CAPS2: variants seen among roughly 807,000 people sequenced by gnomAD.
CAPS2 encodes calcyphosine 2.
Under a neutral mutation model 86.5 loss-of-function variants are expected in CAPS2, and 98 were observed. That is an observed-to-expected ratio of 1.13 (90% CI 0.96 to 1.34). The LOEUF is 1.34. Ranked by LOEUF, CAPS2 falls within the 40% of genes most tolerant of loss-of-function variation. The pLI, the probability that CAPS2 is intolerant of heterozygous loss-of-function variation, is 0.00. For synonymous variants in CAPS2, 210 were observed against 225.1 expected (o/e 0.93, Z 0.60); for missense variants, 729 against 686.8 (o/e 1.06, Z -0.69).
At chr12:75,367,058 A>G (rs1431948024) in intron 1 of CAPS2, 1 of 699,638 alleles carries the variant, frequency 1.4e-6, no homozygotes, top group Admixed American at 2.0e-5. Flanking sequence ...TAAGTTTCTC[A>G]CAAAAATGCA....
upstream of CAPS2, among the ~76,000 whole-genome samples, chr12:75,331,372 G>A (rs2041289705): frequency 6.6e-6 from 1 of 152,114 alleles, no homozygotes; most frequent in Non-Finnish European, 1.5e-5. Flanking sequence ...ATTTCCTGGT[G>A]CAAATTTGGG....
At chr12:75,277,353 C>T (rs1489975793) in exon 17 of CAPS2, 26 of 972,550 alleles carry the variant, frequency 2.7e-5, no homozygotes, top group Non-Finnish European at 3.2e-5. Flanking sequence ...ATATTGAGCA[C>T]CCCCAGTATT....
At chr12:75,281,311 T>C (rs2033902539) in intron 16 of CAPS2, among the ~76,000 whole-genome samples, 1 of 151,892 alleles carries the variant, frequency 6.6e-6, no homozygotes, top group African/African-American at 2.4e-5. Flanking sequence ...GAGTCACAAA[T>C]AAGCACATTT....
At chr12:75,362,441 A>G (rs1286726939) in intron 1 of CAPS2, among the ~76,000 whole-genome samples, 1 of 152,164 alleles carries the variant, frequency 6.6e-6, no homozygotes, top group Non-Finnish European at 1.5e-5. Flanking sequence ...TGCTTTCAAC[A>G]TTCATAGCAA....
intron 7 of CAPS2, chr12:75,305,950 G>A (rs2038427825): frequency 1.7e-6 from 2 of 1,172,004 alleles, no homozygotes; most frequent in African/African-American, 1.5e-5. Flanking sequence ...GGAGCCCGAG[G>A]AGCATGGACA....
chr12:75,292,641 T>G (rs1179610516), intron 12 of CAPS2, among the ~76,000 whole-genome samples: 1 of 147,020 alleles, frequency 6.8e-6, no homozygotes, highest in Non-Finnish European at 1.5e-5. Context: ...TATGTATAGA[T>G]CTATACATAA....
chr12:75,364,411 G>A lies in CAPS2; in HGVS notation c.-395+26427C>T, dbSNP rs138065100. ...ATGGCCAGTAAACATTTACTTTATC[G>A]CATAGTGTTGTCAGGGTGGCATGGC... On this transcript the variant is annotated intron_variant, in intron 1 of 5. Coordinates refer to the CAPS2 transcript ENST00000551829. 2.0e-3 allele frequency among the ~76,000 whole-genome samples: 301 copies of A among 152,300 alleles called. 1 individual carries two copies. The highest frequency in any genetic ancestry group is 6.9e-3 in the African/African-American group (286 of 41,574).
At chr12:75,306,534 G>A (rs1323005130) in intron 7 of CAPS2, among the ~76,000 whole-genome samples, 1 of 152,218 alleles carries the variant, frequency 6.6e-6, no homozygotes, top group Non-Finnish European at 1.5e-5. Context: ...ACTGTGTAGT[G>A]TTTAGGACAT....
At chr12:75,302,659 T>C (rs963877759) in intron 8 of CAPS2, among the ~76,000 whole-genome samples, 1 of 152,198 alleles carries the variant, frequency 6.6e-6, no homozygotes, top group Admixed American at 6.5e-5. Flanking sequence ...TGAAAAAGGA[T>C]TCATTTCTAA....
chr12:75,358,688 TTC>T (rs1229492206), intron 1 of CAPS2, among the ~76,000 whole-genome samples: 1 of 147,356 alleles, frequency 6.8e-6, no homozygotes, highest in East Asian at 2.0e-4. Context: ...ATATTTGTGT[TTC>T]TTTTTGTTTT....
chr12:75,316,153 C>G, intron 6 of CAPS2, 159 bp downstream of exon 6: 1 of 935,828 alleles, frequency 1.1e-6, no homozygotes, highest in African/African-American at 1.7e-5. Context: ...AAATACAATT[C>G]AATCATTTAT....
chr12:75,342,220 C>T (rs2042169402), intron 1 of CAPS2, among the ~76,000 whole-genome samples: 1 of 152,068 alleles, frequency 6.6e-6, no homozygotes, highest in Non-Finnish European at 1.5e-5. Flanking sequence ...GTGATTACTT[C>T]AATTTATACA....
At position 75,323,279 on chromosome 12, in the gene CAPS2, C is replaced by A. The variant is rs1301992211; in HGVS notation, c.132-57G>T. 3.8e-6 allele frequency: 5 copies of A among 1,330,660 alleles called. No homozygotes were observed. The East Asian group carries it at 1.3e-4, about 34-fold the overall frequency. 82.4% of individuals were successfully genotyped at this position (1,330,660 alleles called of 1,614,324 possible). On this transcript the variant is annotated intron_variant, in intron 2 of 16. Coordinates refer to ENST00000393284, the Ensembl canonical transcript of CAPS2. ...TTTTAACATGAAACTTTAATAAATG[C>A]AAATCTTATATGTTACATGTTTTAT...
chr12:75,389,036 T>TGA (rs2045438548), intron 1 of CAPS2, among the ~76,000 whole-genome samples: 1 of 152,240 alleles, frequency 6.6e-6, no homozygotes, highest in Admixed American at 6.5e-5. Flanking sequence ...TACCACTCCC[T>TGA]GGCTGGGTGG....
chr12:75,304,460 C>G (rs1053248730), intron 8 of CAPS2, among the ~76,000 whole-genome samples: 1 of 152,032 alleles, frequency 6.6e-6, no homozygotes, highest in Non-Finnish European at 1.5e-5. Context: ...ATATAGCACA[C>G]GTAAAATTTC....
chr12:75,376,414 C>T (rs547570289), intron 1 of CAPS2, among the ~76,000 whole-genome samples: 56 of 152,274 alleles, frequency 3.7e-4, no homozygotes, highest in African/African-American at 1.3e-3. Flanking sequence ...TCATGGGTCA[C>T]ACCCTGAACC....
chr12:75,346,427 G>A (rs2042452547), intron 1 of CAPS2, among the ~76,000 whole-genome samples: 1 of 150,964 alleles, frequency 6.6e-6, no homozygotes, highest in Non-Finnish European at 1.5e-5. Flanking sequence ...GTCTCGCCCT[G>A]TAACCCAGAC....
At chr12:75,318,495 T>G (rs2138941069) in intron 5 of CAPS2, among the ~76,000 whole-genome samples, 1 of 152,182 alleles carries the variant, frequency 6.6e-6, no homozygotes, top group Middle Eastern at 3.4e-3. Context: ...CCAACCTCCT[T>G]CCTTCTCTCC....
At chr12:75,363,976 G>A (rs2043794629) in intron 1 of CAPS2, among the ~76,000 whole-genome samples, 1 of 152,186 alleles carries the variant, frequency 6.6e-6, no homozygotes, top group South Asian at 2.1e-4. Context: ...AATTGGTTGA[G>A]TTAAGTAATT....
Sources: allele counts gnomAD v4.1 joint callset (sites outside exome capture counted in the v4.1 genomes callset), GRCh38; gene constraint gnomAD v4.1.1; transcripts MANE v1.5; gene names NCBI Gene and HGNC (gene_info 2026-07-23, HGNC 2026-07-21).